SLC16A10: variants seen among roughly 807,000 people sequenced by gnomAD.
The protein encoded by SLC16A10 is monocarboxylate transporter 10.
In SLC16A10, 27 loss-of-function variants were observed where a neutral mutation model predicts 40.0. The ratio of observed to expected loss-of-function variants is 0.67; its 90% CI spans 0.50 to 0.93. The LOEUF is 0.93. Among genes scored for constraint, SLC16A10 ranks in the 40% least tolerant of loss-of-function variants. The pLI, the probability that SLC16A10 is intolerant of heterozygous loss-of-function variation, is 0.00. For synonymous variants in SLC16A10, 213 were observed against 249.8 expected (o/e 0.85, Z 1.39); for missense variants, 529 against 658.2 (o/e 0.80, Z 2.15).
intron 4 of SLC16A10, 131 bp downstream of exon 4, chr6:111,206,866 T>C: frequency 7.6e-6 from 9 of 1,177,526 alleles, no homozygotes; most frequent in Admixed American, 2.7e-5. Flanking sequence ...TTCGCTCTTA[T>C]TGCCCAGGCT....
In SLC16A10 at chr6:111,231,159, C is replaced by T. The variant is rs1771109789; in HGVS notation, c.*8924C>T. ...TTTTACTGTGGAAAAATGTGATACTCTTAGTAAATGCAATAAAAACTTTTT... is the reference window on the plus strand; with the variant it reads ...TTTTACTGTGGAAAAATGTGATACTTTTAGTAAATGCAATAAAAACTTTTT... On this transcript the variant is annotated 3_prime_UTR_variant, in exon 6 of 6. Transcript: ENST00000368851. The T allele has an allele frequency of 1.5e-5, 2 of 136,350 alleles. No homozygotes were observed. Among genetic ancestry groups the T allele is most frequent in the Admixed American group, 8.6e-5 (1 of 11,620 alleles). The allele number at this position is 136,350 out of a possible 1,614,324, so 8.4% of individuals were successfully genotyped here.
chr6:111,139,092 CTT>C (rs755473638), intron 1 of SLC16A10, among the ~76,000 whole-genome samples: 4 of 118,888 alleles, frequency 3.4e-5, no homozygotes, highest in South Asian at 2.7e-4. Context: ...TCTTCTTCTT[CTT>C]TTTTTTTTTT....
intron 1 of SLC16A10, among the ~76,000 whole-genome samples, chr6:111,123,438 A>T (rs1407321693): frequency 6.6e-6 from 1 of 152,154 alleles, no homozygotes; most frequent in Non-Finnish European, 1.5e-5. Flanking sequence ...ATGCTCAGGT[A>T]TGTGTTTAGT....
intron 1 of SLC16A10, among the ~76,000 whole-genome samples, chr6:111,090,116 C>G (rs957965341): frequency 6.6e-6 from 1 of 151,636 alleles, no homozygotes; most frequent in African/African-American, 2.4e-5. Flanking sequence ...TTCTTTTGCA[C>G]TCTGTGGAAC....
intron 1 of SLC16A10, among the ~76,000 whole-genome samples, chr6:111,111,586 G>A (rs546627156): frequency 6.6e-6 from 1 of 152,102 alleles, no homozygotes; most frequent in South Asian, 2.1e-4. Context: ...ATGCAATATT[G>A]TCTAAATTTC....
At chr6:111,126,456 A>T (rs935503822) in intron 1 of SLC16A10, among the ~76,000 whole-genome samples, 1 of 152,050 alleles carries the variant, frequency 6.6e-6, no homozygotes, top group Non-Finnish European at 1.5e-5. Flanking sequence ...ATATGCATTG[A>T]CTAATGTTGA....
At chr6:111,100,976 CTCTCTCTCTCTCTCTCTATATATA>C (rs1771169675) in intron 1 of SLC16A10, among the ~76,000 whole-genome samples, 1 of 122,990 alleles carries the variant, frequency 8.1e-6, no homozygotes, top group African/African-American at 3.4e-5. Flanking sequence ...CTCTCTCTCT[CTCTCTCTCTCTCTCTCTATATATA>C]TATATATATA....
chr6:111,159,067 C>CAAAAAAAA lies in SLC16A10; in HGVS notation c.344-13606_344-13599dup, dbSNP rs548809670. On this transcript the variant is annotated intron_variant, in intron 1 of 5. Transcript: ENST00000368851. ...TAGGTGGCAAAGCAAGACCCTGACT[C>CAAAAAAAA]AAAAAAAAAAAAAAAAAAAAAAAAA... 1.4e-3 allele frequency among the ~76,000 whole-genome samples: 32 copies of CAAAAAAAA among 23,400 alleles called. 1 individual carries two copies. Among genetic ancestry groups the CAAAAAAAA allele is most frequent in the Admixed American group, 2.1e-3 (3 of 1,440 alleles). 15.4% of individuals were successfully genotyped at this position (23,400 alleles called of 152,430 possible).
At chr6:111,212,648 C>T (rs917020278) in intron 4 of SLC16A10, among the ~76,000 whole-genome samples, 2 of 152,008 alleles carry the variant, frequency 1.3e-5, no homozygotes, top group African/African-American at 4.8e-5. Context: ...AAAAAGTTAG[C>T]TGGACATGGT....
intron 1 of SLC16A10, among the ~76,000 whole-genome samples, chr6:111,134,100 A>G (rs140849400): frequency 1.3e-5 from 2 of 152,322 alleles, no homozygotes; most frequent in African/African-American, 4.8e-5. Context: ...AGTCAGGTCA[A>G]TGATAGGATG....
chr6:111,105,788 T>C (rs995597896), intron 1 of SLC16A10, among the ~76,000 whole-genome samples: 2 of 152,238 alleles, frequency 1.3e-5, no homozygotes, highest in Non-Finnish European at 2.9e-5. Flanking sequence ...CTCTCAGGAC[T>C]CAGGTCCTGA....
At chr6:111,189,778 C>T (rs984840083) in intron 3 of SLC16A10, among the ~76,000 whole-genome samples, 1 of 152,054 alleles carries the variant, frequency 6.6e-6, no homozygotes, top group Admixed American at 6.5e-5. Flanking sequence ...ACAAGAAAAA[C>T]CTGTCCCCAT....
At chr6:111,152,213 C>T (rs1772184338) in intron 1 of SLC16A10, among the ~76,000 whole-genome samples, 1 of 152,188 alleles carries the variant, frequency 6.6e-6, no homozygotes, top group South Asian at 2.1e-4. Context: ...TTATTGGTTT[C>T]AGTTTCCTCT....
rs548495447 is a variant in SLC16A10 at position 111,189,026 on chromosome 6, A to C, written c.942+11361A>C. On this transcript the variant is annotated intron_variant, in intron 3 of 5. Coordinates refer to ENST00000368851, the MANE Select transcript of SLC16A10 (RefSeq NM_018593.5). The stretch of plus-strand genomic sequence containing the variant: ...TGTTGTTTGACTTGCTCTAATTATA[A>C]ATCAGTTAAACAGATTCAGGCATTC... Among the ~76,000 whole-genome samples, 4 of 152,302 alleles carry C rather than the reference A, an allele frequency of 2.6e-5. No homozygotes were observed. In the South Asian group the frequency reaches 8.3e-4, roughly 32 times the overall value.
chr6:111,133,619 C>T (rs1771824961), intron 1 of SLC16A10, among the ~76,000 whole-genome samples: 1 of 152,010 alleles, frequency 6.6e-6, no homozygotes, highest in Non-Finnish European at 1.5e-5. Flanking sequence ...TATGTACAAA[C>T]TTTCTTTTCA....
chr6:111,127,111 T>C (rs1771688795), intron 1 of SLC16A10, among the ~76,000 whole-genome samples: 1 of 152,230 alleles, frequency 6.6e-6, no homozygotes, highest in Non-Finnish European at 1.5e-5. Flanking sequence ...CGCTAGTCAT[T>C]GTGCTAGGCA....
chr6:111,216,440 G>T (rs1773422106), intron 4 of SLC16A10, among the ~76,000 whole-genome samples: 1 of 151,786 alleles, frequency 6.6e-6, no homozygotes, highest in Non-Finnish European at 1.5e-5. Context: ...GTCTCACACT[G>T]TCGCCCAGGC....
rs553971625 is a variant in SLC16A10, at chr6:111,163,885, G to A, written c.344-8810G>A. Among the ~76,000 whole-genome samples the A allele has an allele frequency of 2.0e-5, 3 of 152,182 alleles. No individual in the cohort carries two copies. The South Asian group carries it at 6.2e-4, about 32-fold the overall frequency. ...CTTTCCAAACAAACAATCCATCTCT[G>A]GTCTCTCCCACACCCTTTATTTTTT... On this transcript the variant is annotated intron_variant, in intron 1 of 5. Transcript: ENST00000368851.
chr6:111,146,029 C>T (rs777944337), intron 1 of SLC16A10, among the ~76,000 whole-genome samples: 16 of 152,152 alleles, frequency 1.1e-4, no homozygotes, highest in Non-Finnish European at 2.2e-4. Flanking sequence ...AGAATCCACA[C>T]AATGGGAGAT....
Sources: gnomAD v4.1 joint callset for allele counts (sites outside exome capture counted in the v4.1 genomes callset) on GRCh38, gnomAD v4.1.1 for gene constraint, MANE v1.5 for transcripts, NCBI Gene and HGNC (gene_info 2026-07-23, HGNC 2026-07-21) for gene names.